Variants in NLRP9 observed in about 807,000 individuals in gnomAD.
NLRP9 encodes NLR family pyrin domain containing 9.
In NLRP9, 88 loss-of-function variants were observed where a neutral mutation model predicts 83.1. The ratio of observed to expected loss-of-function variants is 1.06; its 90% CI spans 0.89 to 1.26. The LOEUF (loss-of-function observed/expected upper bound fraction) is 1.26. NLRP9 is among the 50% of genes most tolerant of loss of function. The probability of loss-of-function intolerance (pLI) is 0.00; values close to 1 mark genes in which losing one functional copy is unlikely to be tolerated. For missense variants in NLRP9, 1,308 were observed against 1,179.3 expected (o/e 1.11, Z -1.60); for synonymous variants, 521 against 447.6 (o/e 1.16, Z -2.07).
At chr19:55,711,635 T>C (rs1043059632) in intron 8 of NLRP9, 165 bp downstream of exon 8, 1 of 865,856 alleles carries the variant, frequency 1.2e-6, no homozygotes, top group African/African-American at 1.7e-5. Context: ...CATCTTACAA[T>C]GTCAATGGTT....
chr19:55,730,640 A>AG (rs149430578), intron 2 of NLRP9, among the ~76,000 whole-genome samples: 2,089 of 152,292 alleles, frequency 0.014, 50 homozygotes, highest in African/African-American at 0.048. Context: ...CATTATCCTT[A>AG]GCAAACGAAT....
Position 55,724,041 on chromosome 19 carries a change from A to C in NLRP9, c.2098T>G (p.Ser700Ala). ...LSLYGTSLSQ[S>A]DIRHLCETLK... is the part of the protein sequence containing the mutation. Reference sequence around the variant, plus strand: ...GTCTCACACAGGTGTCTGATGTCAGACTGGGAGAGGCTAGTGCCGTACAGG... The same window carrying C: ...GTCTCACACAGGTGTCTGATGTCAGCCTGGGAGAGGCTAGTGCCGTACAGG... The change falls in exon 4 of 9, where the codon TCT becomes GCT. Residue 700 changes from serine (S) to alanine (A), a missense_variant. Physicochemically the swap from Ser to Ala is moderately conservative, Grantham distance 99. Coordinates refer to ENST00000332836, the MANE Select transcript of NLRP9 (RefSeq NM_176820.4). The C allele has an allele frequency of 1.9e-6, 3 of 1,613,964 alleles. No homozygotes were observed. Among genetic ancestry groups the C allele is most frequent in the Non-Finnish European group, 2.5e-6 (3 of 1,179,826 alleles).
chr19:55,711,813 G>C lies in NLRP9; in HGVS notation c.2830C>G (p.Leu944Val). Residue 944 changes from leucine (L) to valine (V), a missense_variant, in exon 8 of 9, where the codon CTG becomes GTG. Leu to Val is a conservative substitution (Grantham distance 32). Coordinates refer to ENST00000332836, the MANE Select transcript of NLRP9 (RefSeq NM_176820.4). ...GTGTCCACTCACCCCAGCATCTGCA[G>C]GGCACAGTCCGGGTGGCTCAATGCC... is the stretch of plus-strand genomic sequence containing the variant. ...CEALSHPDCA[L>V]QMLGLHKSGF... 1 of 1,613,200 alleles carries C rather than the reference G, an allele frequency of 6.2e-7. No individual in the cohort carries two copies. Among genetic ancestry groups the C allele is most frequent in the Non-Finnish European group, 8.5e-7 (1 of 1,179,854 alleles).
Position 55,732,198 on chromosome 19 carries a change from G to T in NLRP9, c.1633C>A (p.Leu545Ile). Residue 545 changes from leucine (L) to isoleucine (I), a missense_variant, in exon 2 of 9, where the codon CTA (leucine) becomes ATA (isoleucine). Coordinates refer to ENST00000332836, the MANE Select transcript of NLRP9 (RefSeq NM_176820.4). ...ADREAIAFQE[L>I]FIGLFETQEK... is the part of the protein sequence containing the mutation. The stretch of plus-strand genomic sequence containing the variant: ...TGAGTTTCAAACAAACCAATGAATA[G>T]TTCCTGGAAAGCTATGGCTTCCCTA... The T allele has an allele frequency of 6.2e-7, 1 of 1,613,554 alleles. No individual in the cohort carries two copies. Among genetic ancestry groups the T allele is most frequent in the Non-Finnish European group, 8.5e-7 (1 of 1,179,770 alleles).
intron 1 of NLRP9, among the ~76,000 whole-genome samples, chr19:55,737,114 G>T (rs771748972): frequency 6.6e-5 from 10 of 152,010 alleles, no homozygotes; most frequent in Non-Finnish European, 1.5e-5. Context: ...CCCGAGAGGA[G>T]GGTGTAGACC....
In NLRP9 at chr19:55,711,918, GTGCTGCGGCGATGTCGT is replaced by G; in HGVS notation, c.2708_2724del (p.Asp903AlafsTer20). 2 of 1,613,228 alleles carry G rather than the reference GTGCTGCGGCGATGTCGT, an allele frequency of 1.2e-6. No homozygotes were observed. The highest frequency in any genetic ancestry group is 1.7e-6 in the Non-Finnish European group (2 of 1,179,942). On this transcript the variant is annotated frameshift_variant, in exon 8 of 9. Transcript: ENST00000332836. LOFTEE classifies it high-confidence loss of function. ...CTCCTCAGTGTTTTGCAGGCGATGAGTGCTGCGGCGATGTCGTCGCAGCAGGCACGGGTGATCGGACA... is the reference window on the plus strand; with the variant it reads ...CTCCTCAGTGTTTTGCAGGCGATGAGCGCAGCAGGCACGGGTGATCGGACA...
chr19:55,711,272 TAAAA>T (rs774470776), intron 8 of NLRP9: 6 of 689,660 alleles, frequency 8.7e-6, no homozygotes, highest in Admixed American at 6.3e-5. Flanking sequence ...TTTTAAAAAT[TAAAA>T]AAATAAAATC....
At chr19:55,726,136 C>A (rs1203257341) in intron 3 of NLRP9, among the ~76,000 whole-genome samples, 1 of 152,130 alleles carries the variant, frequency 6.6e-6, no homozygotes, top group South Asian at 2.1e-4. Context: ...AGCCACCACA[C>A]CACATTCATG....
intron 1 of NLRP9, among the ~76,000 whole-genome samples, chr19:55,737,013 A>C (rs1020860895): frequency 1.3e-5 from 2 of 152,202 alleles, no homozygotes; most frequent in African/African-American, 4.8e-5. Context: ...GATGGAACTC[A>C]AAAGTAAAGG....
At chr19:55,711,229 G>A (rs1039840647) in intron 8 of NLRP9, 14 of 286,058 alleles carry the variant, frequency 4.9e-5, no homozygotes, top group Middle Eastern at 3.4e-3. Context: ...TTTATACCCC[G>A]CCCATTTGTT....
chr19:55,714,943 G>T, intron 6 of NLRP9, 112 bp downstream of exon 6: 2 of 1,011,596 alleles, frequency 2.0e-6, no homozygotes, highest in Non-Finnish European at 2.9e-6. Context: ...TACGAATTTT[G>T]GGAGGACATA....
At chr19:55,738,014 G>T in intron 1 of NLRP9, 81 bp downstream of exon 1, 1 of 1,281,126 alleles carries the variant, frequency 7.8e-7, no homozygotes. Context: ...CTGATGGAGG[G>T]GGTGGCCACT....
intron 3 of NLRP9, among the ~76,000 whole-genome samples, chr19:55,728,943 A>G (rs983449716): frequency 2.0e-5 from 3 of 152,178 alleles, no homozygotes; most frequent in African/African-American, 7.2e-5. Context: ...TTTGTATAAA[A>G]GTAATAATAA....
rs1258839598 is a variant in NLRP9, at chr19:55,711,893, C to G, written c.2750G>C (p.Ser917Thr). 3.2e-5 allele frequency: 51 copies of G among 1,613,346 alleles called. No individual in the cohort carries two copies. Among genetic ancestry groups the G allele is most frequent in the Non-Finnish European group, 4.2e-5 (50 of 1,179,962 alleles). The change falls in exon 8 of 9, where the codon AGC becomes ACC. Residue 917 changes from serine to threonine, a missense_variant. Physicochemically the swap from Ser to Thr is moderately conservative, Grantham distance 58. Coordinates refer to ENST00000332836, the MANE Select transcript of NLRP9 (RefSeq NM_176820.4). ...AALIACKTLR[S>T]LNLDWIALDA... Reference sequence around the variant, plus strand: ...CAAGGCAATCCAGTCGAGGTTCAGGCTCCTCAGTGTTTTGCAGGCGATGAG... The same window carrying G: ...CAAGGCAATCCAGTCGAGGTTCAGGGTCCTCAGTGTTTTGCAGGCGATGAG...
At chr19:55,721,248 T>TA (rs1988216359) in intron 4 of NLRP9, among the ~76,000 whole-genome samples, 1 of 152,242 alleles carries the variant, frequency 6.6e-6, no homozygotes, top group Non-Finnish European at 1.5e-5. Context: ...ATGGGACTTC[T>TA]CTGTACTATT....
At chr19:55,716,258 T>C (rs1988005604) in intron 5 of NLRP9, among the ~76,000 whole-genome samples, 3 of 82,212 alleles carry the variant, frequency 3.6e-5, no homozygotes, top group Non-Finnish European at 8.0e-5. Context: ...AAAAATTTTC[T>C]TTTTTTTTTT....
At position 55,733,221 on chromosome 19, in the gene NLRP9, T is replaced by C. The variant is rs769862677; in HGVS notation, c.610A>G (p.Arg204Gly). ...TTCTCTGAAGACTCCGGCCAGTCCCTAGAGAGGAGCTCCAGTAAGCTGGTC... is the reference window on the plus strand; with the variant it reads ...TTCTCTGAAGACTCCGGCCAGTCCCCAGAGAGGAGCTCCAGTAAGCTGGTC... ...AETSLLELLS[R>G]DWPESSEKIE... The change falls in exon 2 of 9, where the codon AGG (arginine) becomes GGG (glycine). Residue 204 changes from arginine to glycine, a missense_variant. Transcript: ENST00000332836. The C allele has an allele frequency of 1.2e-6, 2 of 1,613,782 alleles. No individual in the cohort carries two copies. Among genetic ancestry groups the C allele is most frequent in the African/African-American group, 1.3e-5 (1 of 75,044 alleles).
intron 1 of NLRP9, chr19:55,737,569 T>A (rs1988816756): frequency 6.4e-6 from 1 of 155,738 alleles, no homozygotes; most frequent in Non-Finnish European, 1.4e-5. Context: ...TCTGATTGTC[T>A]TAAGATTCTA....
At chr19:55,734,027 A>G (rs530367192) in intron 1 of NLRP9, among the ~76,000 whole-genome samples, 86 of 145,808 alleles carry the variant, frequency 5.9e-4, no homozygotes, top group African/African-American at 2.2e-3. Flanking sequence ...GGTTCACGCC[A>G]TTCTCCTGCC....
Sources: allele counts gnomAD v4.1 joint callset (sites outside exome capture counted in the v4.1 genomes callset), GRCh38; gene constraint gnomAD v4.1.1; transcripts MANE v1.5; gene names NCBI Gene and HGNC (gene_info 2026-07-23, HGNC 2026-07-21).